Variants in CDC14A observed in about 807,000 individuals in gnomAD.
CDC14A encodes dual specificity protein phosphatase CDC14A.
CDC14A carries 53 observed loss-of-function variants against 74.4 expected under a neutral mutation model. The observed-to-expected ratio is 0.71, with a 90% confidence interval of 0.57 to 0.89. The LOEUF (loss-of-function observed/expected upper bound fraction) is 0.89. Among genes scored for constraint, CDC14A ranks in the 40% least tolerant of loss-of-function variants. The pLI, the probability that CDC14A is intolerant of heterozygous loss-of-function variation, is 0.00. For synonymous variants in CDC14A, 247 were observed against 258.4 expected (o/e 0.96, Z 0.43); for missense variants, 646 against 713.7 (o/e 0.91, Z 1.08).
At chr1:100,428,788 A>G (rs1023485497) in intron 5 of CDC14A, among the ~76,000 whole-genome samples, 4 of 152,188 alleles carry the variant, frequency 2.6e-5, no homozygotes, top group Admixed American at 6.5e-5. Context: ...ATTCTTATTT[A>G]AGATGTCTCT....
chr1:100,389,208 A>G (rs1411583385), intron 3 of CDC14A, among the ~76,000 whole-genome samples: 1 of 150,428 alleles, frequency 6.6e-6, no homozygotes, highest in Non-Finnish European at 1.5e-5. Flanking sequence ...AAAAAGGTAA[A>G]AGATAAAAGG....
intron 5 of CDC14A, among the ~76,000 whole-genome samples, chr1:100,431,152 A>T (rs1238208998): frequency 6.6e-6 from 1 of 152,240 alleles, no homozygotes; most frequent in Non-Finnish European, 1.5e-5. Flanking sequence ...GCTCCGCTAT[A>T]CAGGACCTGA....
chr1:100,362,210 G>T (rs1652850018), intron 2 of CDC14A, among the ~76,000 whole-genome samples: 1 of 152,140 alleles, frequency 6.6e-6, no homozygotes, highest in South Asian at 2.1e-4. Flanking sequence ...TTTAAAATGT[G>T]GGGAGGTAAG....
chr1:100,349,788 G>A (rs1269547860), upstream of CDC14A, among the ~76,000 whole-genome samples: 2 of 151,630 alleles, frequency 1.3e-5, no homozygotes, highest in Non-Finnish European at 2.9e-5. Flanking sequence ...TCGGCCTCAT[G>A]AGTAGCTGGG....
intron 4 of CDC14A, among the ~76,000 whole-genome samples, chr1:100,422,509 G>A (rs753897694): frequency 2.0e-5 from 3 of 152,150 alleles, no homozygotes; most frequent in Non-Finnish European, 4.4e-5. Context: ...ACCCCTTAGG[G>A]TACAGTAAAA....
At chr1:100,460,190 G>A (rs1375185824) in intron 8 of CDC14A, among the ~76,000 whole-genome samples, 1 of 152,228 alleles carries the variant, frequency 6.6e-6, no homozygotes, top group East Asian at 1.9e-4. Context: ...ATAAACGTTA[G>A]GTGCAATTAT....
At chr1:100,467,355 A>G (rs763397635) in intron 9 of CDC14A, among the ~76,000 whole-genome samples, 3 of 152,168 alleles carry the variant, frequency 2.0e-5, no homozygotes, top group Non-Finnish European at 4.4e-5. Flanking sequence ...TTGAACATGT[A>G]AAAAATGAAA....
rs1048714 is a variant in CDC14A at position 100,455,431 on chromosome 1, G to C, written c.546G>C (p.Trp182Cys). 1 of 1,603,178 alleles carries C rather than the reference G, an allele frequency of 6.2e-7. No individual in the cohort carries two copies. The highest frequency in any genetic ancestry group is 8.5e-7 in the Non-Finnish European group (1 of 1,176,748). The change falls in exon 8 of 16, where the codon TGG becomes TGC. Residue 182 changes from tryptophan to cysteine, a missense_variant. Coordinates refer to ENST00000336454, the MANE Select transcript of CDC14A (RefSeq NM_003672.4). Reference sequence around the variant, plus strand: ...GAGTTGAAAATGGTGACTTCAACTGGATTGTTCCAGGAAAATTTTTAGCAT... The same window carrying C: ...GAGTTGAAAATGGTGACTTCAACTGCATTGTTCCAGGAAAATTTTTAGCAT... Reference protein sequence around the residue: ...YERVENGDFNWIVPGKFLAFS... With the variant: ...YERVENGDFNCIVPGKFLAFS...
At chr1:100,514,400 G>A (rs955761) in intron 15 of CDC14A, among the ~76,000 whole-genome samples, 132,926 of 152,188 alleles carry the variant, frequency 0.87, 60,555 homozygotes, top group Non-Finnish European at 1. Flanking sequence ...ATTCAAAAAT[G>A]TATTTATCTT....
chr1:100,442,002 G>A (rs1664983103), intron 6 of CDC14A, among the ~76,000 whole-genome samples: 1 of 151,836 alleles, frequency 6.6e-6, no homozygotes, highest in South Asian at 2.1e-4. Flanking sequence ...CTGTGGTTTT[G>A]TATTCTGTTG....
At chr1:100,367,329 G>GTA (rs1436623443) in intron 2 of CDC14A, among the ~76,000 whole-genome samples, 1 of 152,084 alleles carries the variant, frequency 6.6e-6, no homozygotes, top group African/African-American at 2.4e-5. Flanking sequence ...CTAATAGTAT[G>GTA]TATTATAAGT....
chr1:100,372,789 T>G (rs1041800878), intron 2 of CDC14A, among the ~76,000 whole-genome samples: 1 of 152,202 alleles, frequency 6.6e-6, no homozygotes, highest in African/African-American at 2.4e-5. Context: ...ATCTTAAACC[T>G]TATGAACCAA....
intron 5 of CDC14A, among the ~76,000 whole-genome samples, chr1:100,428,999 G>A (rs550109578): frequency 3.3e-5 from 5 of 151,958 alleles, no homozygotes; most frequent in South Asian, 2.1e-4. Flanking sequence ...TCAGGAGTTC[G>A]AGACCAGCCT....
chr1:100,446,283 C>A (rs977088010), intron 7 of CDC14A, among the ~76,000 whole-genome samples: 1 of 151,894 alleles, frequency 6.6e-6, no homozygotes, highest in Non-Finnish European at 1.5e-5. Context: ...ACAAAAAAAC[C>A]CCAAAAAAGC....
intron 5 of CDC14A, among the ~76,000 whole-genome samples, chr1:100,428,690 A>G (rs900772727): frequency 6.6e-6 from 1 of 152,202 alleles, no homozygotes; most frequent in Non-Finnish European, 1.5e-5. Context: ...TGGTTTTCAA[A>G]TCTACATTGT....
At chr1:100,378,426 G>A (rs1655613075) in intron 3 of CDC14A, among the ~76,000 whole-genome samples, 1 of 152,084 alleles carries the variant, frequency 6.6e-6, no homozygotes, top group African/African-American at 2.4e-5. Flanking sequence ...AAATTATATT[G>A]CTCAGGTATT....
chr1:100,500,735 G>A (rs1397857385), intron 15 of CDC14A, among the ~76,000 whole-genome samples: 3 of 104,650 alleles, frequency 2.9e-5, no homozygotes, highest in Admixed American at 1.4e-4. Context: ...GGGTGACAGA[G>A]CCACTCTCAA....
intron 2 of CDC14A, among the ~76,000 whole-genome samples, chr1:100,360,076 G>A (rs1427781850): frequency 6.7e-6 from 1 of 149,352 alleles, no homozygotes; most frequent in Non-Finnish European, 1.5e-5. Flanking sequence ...CTGAGTAGCT[G>A]GGATTACAGG....
chr1:100,462,372 G>A (rs961607743), intron 8 of CDC14A: 19 of 405,224 alleles, frequency 4.7e-5, no homozygotes, highest in African/African-American at 3.9e-4. Context: ...TTGGGAGTGG[G>A]AAGAGTATGC....
Sources: allele counts gnomAD v4.1 joint callset (sites outside exome capture counted in the v4.1 genomes callset), GRCh38; gene constraint gnomAD v4.1.1; transcripts MANE v1.5; gene names NCBI Gene and HGNC (gene_info 2026-07-23, HGNC 2026-07-21).